Variants in HS3ST1 observed in about 807,000 individuals in gnomAD.
HS3ST1 encodes the protein heparan sulfate-glucosamine 3-sulfotransferase 1, also known as heparan sulfate glucosamine 3-O-sulfotransferase 1.
HS3ST1 carries 8 observed loss-of-function variants against 20.7 expected under a neutral mutation model. The observed-to-expected ratio is 0.39, with a 90% CI of 0.23 to 0.70. The LOEUF (loss-of-function observed/expected upper bound fraction) is 0.70, where lower values mean the gene tolerates loss of function less well. HS3ST1 is among the 30% of genes least tolerant of loss of function. The pLI is 0.46. For synonymous variants in HS3ST1, 205 were observed against 190.4 expected (o/e 1.08, Z -0.63); for missense variants, 436 against 423.4 (o/e 1.03, Z -0.26).
At chr4:11,403,023 T>C (rs979978372) in intron 1 of HS3ST1, among the ~76,000 whole-genome samples, 9 of 152,228 alleles carry the variant, frequency 5.9e-5, no homozygotes, top group Non-Finnish European at 1.3e-4. Flanking sequence ...CATTCAAAAA[T>C]ATTTGAGGCT....
upstream of HS3ST1, among the ~76,000 whole-genome samples, chr4:11,431,232 T>TAAAAA (rs77643058): frequency 0.032 from 4,360 of 137,754 alleles, 107 homozygotes; most frequent in African/African-American, 0.077. Context: ...ACTATGCTCT[T>TAAAAA]AAAAAAAAAA....
intron 1 of HS3ST1, among the ~76,000 whole-genome samples, chr4:11,417,799 G>A (rs1008214126): frequency 6.6e-6 from 1 of 152,202 alleles, no homozygotes; most frequent in Non-Finnish European, 1.5e-5. Flanking sequence ...TATCAGATTT[G>A]TATTTTAGCT....
At chr4:11,429,620 C>A (rs965680249), upstream of HS3ST1, 3 of 122,506 alleles carry the variant, frequency 2.4e-5, no homozygotes, top group Admixed American at 1.9e-4. Flanking sequence ...CGCCAATTTG[C>A]CAGGAGAGCG....
chr4:11,410,815 C>G (rs926155602), intron 1 of HS3ST1, among the ~76,000 whole-genome samples: 2 of 152,072 alleles, frequency 1.3e-5, no homozygotes, highest in African/African-American at 4.8e-5. Context: ...TTGCTTGAAC[C>G]TGGGAGGCAG....
chr4:11,417,032 C>T (rs575392493), intron 1 of HS3ST1, among the ~76,000 whole-genome samples: 1 of 152,162 alleles, frequency 6.6e-6, no homozygotes, highest in Non-Finnish European at 1.5e-5. Flanking sequence ...GTCCTGAGGT[C>T]AGATTATGAG....
upstream of HS3ST1, among the ~76,000 whole-genome samples, chr4:11,433,240 GCAGTGTGC>G (rs1719239117): frequency 6.6e-6 from 1 of 152,088 alleles, no homozygotes; most frequent in East Asian, 1.9e-4. Context: ...TAAGCTCTGG[GCAGTGTGC>G]CTAAGACTTC....
chr4:11,428,546 T>C (rs1479232425), intron 1 of HS3ST1, 153 bp downstream of exon 1: 1 of 152,492 alleles, frequency 6.6e-6, no homozygotes, highest in Admixed American at 6.5e-5. Context: ...AGCCTTTGCT[T>C]CCTGGTTCCC....
chr4:11,399,247 G>A lies in HS3ST1; in HGVS notation c.759C>T (p.Gly253=), dbSNP rs2108879077. 1 of 1,614,196 alleles carries A rather than the reference G, an allele frequency of 6.2e-7. No homozygotes were observed. The highest frequency in any genetic ancestry group is 8.5e-7 in the Non-Finnish European group (1 of 1,180,046). The change falls in exon 2 of 2, where the codon GGC becomes GGT. Residue 253 remains glycine, a synonymous_variant. Transcript: ENST00000002596. This position sits in a 1 kb window ranked among gnomAD's most constrained non-coding sequence, Gnocchi z 5.1. ...GGCCGCTGTCCCGCAGGCAGTAAAA[G>A]CCCTTGGTTTTGTTAAAGTAGAAGT... ...ASNFYFNKTK[G]FYCLRDSGRD... is the part of the protein sequence containing the mutation.
At chr4:11,407,815 G>A (rs1474180673) in intron 1 of HS3ST1, among the ~76,000 whole-genome samples, 1 of 152,260 alleles carries the variant, frequency 6.6e-6, no homozygotes, top group Non-Finnish European at 1.5e-5. Context: ...AGAGGCCTGA[G>A]CAGAGGCCTG....
At chr4:11,413,425 G>A (rs1718688151) in intron 1 of HS3ST1, among the ~76,000 whole-genome samples, 1 of 152,072 alleles carries the variant, frequency 6.6e-6, no homozygotes, top group Non-Finnish European at 1.5e-5. Context: ...TGCCACAGGG[G>A]TCTAGTTTCC....
In HS3ST1 at chr4:11,394,305, TCTAA is replaced by T. The variant is rs1718081221; in HGVS notation, c.*4773_*4776del. On this transcript the variant is annotated 3_prime_UTR_variant, in exon 2 of 2. Coordinates refer to ENST00000002596, the MANE Select transcript of HS3ST1 (RefSeq NM_005114.4). ...TTCTGGCTCTCTCTCTTTGCTGTTA[TCTAA>T]CTGAGAAATTTGGGCAAAATAGAGT... The T allele has an allele frequency of 6.6e-6, 1 of 152,230 alleles. No homozygotes were observed. Among genetic ancestry groups the T allele is most frequent in the Non-Finnish European group, 1.5e-5 (1 of 68,044 alleles). 9.4% of individuals were successfully genotyped at this position (152,230 alleles called of 1,614,324 possible). A position where few individuals can be genotyped will look rare whatever the true frequency, so the allele number is the denominator to read the frequency against.
Position 11,399,816 on chromosome 4 carries a change from TG to T in HS3ST1, c.189del (p.Lys64ArgfsTer73). 6.2e-7 allele frequency: 1 copy of T among 1,613,036 alleles called. No individual in the cohort carries two copies. The highest frequency in any genetic ancestry group is 8.5e-7 in the Non-Finnish European group (1 of 1,179,796). The part of the protein sequence containing the change: ...QLPQTIIIGV[R>X]KGGTRALLEM... ...TCCAGCAGTGCGCGCGTGCCGCCCT[TG>T]CGCACGCCGATGATGATGGTCTGCG... is the stretch of plus-strand genomic sequence containing the variant. On this transcript the variant is annotated frameshift_variant, in exon 2 of 2. Transcript: ENST00000002596. LOFTEE classifies it high-confidence loss of function. The surrounding 1 kb of genome is among the most constrained non-coding windows in gnomAD (Gnocchi z 5.1).
intron 1 of HS3ST1, among the ~76,000 whole-genome samples, chr4:11,423,021 C>CAAA (rs71181101): frequency 0.34 from 11,667 of 34,380 alleles, 4,373 homozygotes; most frequent in Middle Eastern, 0.46. Context: ...GAGACACCGT[C>CAAA]AAAAAAAAAA....
chr4:11,399,148 G>T lies in HS3ST1; in HGVS notation c.858C>A (p.His286Gln), dbSNP rs762062610. The T allele has an allele frequency of 1.6e-5, 26 of 1,613,958 alleles. No homozygotes were observed. Among genetic ancestry groups the T allele is most frequent in the Non-Finnish European group, 2.1e-5 (25 of 1,180,006 alleles). Residue 286 changes from histidine (H) to glutamine (Q), a missense_variant, in exon 2 of 2, where the codon CAC (histidine) becomes CAA (glutamine). His to Gln is a conservative substitution (Grantham distance 24). Transcript: ENST00000002596. The surrounding 1 kb of genome is among the most constrained non-coding windows in gnomAD (Gnocchi z 5.1). ...TCTTATTTGGCTCATGAAAATATTC[G>T]TGCAGTTTATTGAGTAGTTTGGGAT... ...QVDPKLLNKL[H>Q]EYFHEPNKKF...
intron 1 of HS3ST1, among the ~76,000 whole-genome samples, chr4:11,417,924 C>T (rs563563783): frequency 6.6e-6 from 1 of 152,318 alleles, no homozygotes; most frequent in East Asian, 1.9e-4. Flanking sequence ...TCAGAGTTAC[C>T]ATATTCGATT....
Position 11,393,711 on chromosome 4 carries a change from G to A in HS3ST1, c.*5371C>T, listed in dbSNP as rs1194187901. On this transcript the variant is annotated 3_prime_UTR_variant, in exon 2 of 2. Coordinates refer to ENST00000002596, the MANE Select transcript of HS3ST1 (RefSeq NM_005114.4). ...GGAGCTCTGAGCATGAGTTGCACCAGAGGTTGTCCTGCCTGGAGGCAATGA... is the reference window on the plus strand; with the variant it reads ...GGAGCTCTGAGCATGAGTTGCACCAAAGGTTGTCCTGCCTGGAGGCAATGA... 1 of 152,234 alleles carries A rather than the reference G, an allele frequency of 6.6e-6. No individual in the cohort carries two copies. The highest frequency in any genetic ancestry group is 1.5e-5 in the Non-Finnish European group (1 of 68,078). 9.4% of individuals were successfully genotyped at this position (152,234 alleles called of 1,614,324 possible). A position where few individuals can be genotyped will look rare whatever the true frequency, so the allele number is the denominator to read the frequency against.
Position 11,399,877 on chromosome 4 carries a change from A to G in HS3ST1, c.129T>C (p.Asp43=), listed in dbSNP as rs1223348712. ...GGGCAGAGCCGTTTGGGGCCACGCC[A>G]TCGCGGACGTCATCCTGGAGGGTCC... ...KAGTLQDDVR[D]GVAPNGSAQQ... is the part of the protein sequence containing the mutation. The change falls in exon 2 of 2, where the codon GAT becomes GAC. Residue 43 remains aspartate, a synonymous_variant. Transcript: ENST00000002596. This position sits in a 1 kb window ranked among gnomAD's most constrained non-coding sequence, Gnocchi z 5.1. The G allele has an allele frequency of 4.3e-6, 7 of 1,612,082 alleles. No individual in the cohort carries two copies. The highest frequency in any genetic ancestry group is 2.2e-5 in the South Asian group (2 of 91,040).
At chr4:11,421,194 A>T (rs1424042895) in intron 1 of HS3ST1, among the ~76,000 whole-genome samples, 1 of 152,214 alleles carries the variant, frequency 6.6e-6, no homozygotes, top group Non-Finnish European at 1.5e-5. Context: ...AGTATGGAAA[A>T]AAACCGAGGC....
chr4:11,433,956 A>G (rs1711529861), upstream of HS3ST1, among the ~76,000 whole-genome samples: 1 of 152,220 alleles, frequency 6.6e-6, no homozygotes, highest in Non-Finnish European at 1.5e-5. Flanking sequence ...CTGAACTCTC[A>G]ACTTCAATCA....
Sources: gnomAD v4.1 joint callset for allele counts (sites outside exome capture counted in the v4.1 genomes callset) on GRCh38, gnomAD v4.1.1 for gene constraint, Gnocchi (gnomAD v3.1) non-coding constraint, MANE v1.5 for transcripts, NCBI Gene and HGNC (gene_info 2026-07-23, HGNC 2026-07-21) for gene names.